Variants in PCDH7 observed in about 807,000 individuals in gnomAD.
PCDH7 encodes protocadherin-7.
In PCDH7, 17 loss-of-function variants were observed where a neutral mutation model predicts 58.9. The ratio of observed to expected loss-of-function variants is 0.29; its 90% CI spans 0.20 to 0.43. The LOEUF is 0.43. Among genes scored for constraint, PCDH7 ranks in the 20% least tolerant of loss-of-function variants. PCDH7 has a pLI of 1.00. For missense variants in PCDH7, 1,274 were observed against 1,441.0 expected, an observed-to-expected ratio of 0.88 and a Z score of 1.88; for synonymous variants, 664 against 616.4, an observed-to-expected ratio of 1.08 and a Z score of -1.14.
exon 2 of PCDH7, chr4:30,732,507 T>C (rs1044309558): frequency 6.6e-6 from 1 of 152,174 alleles, no homozygotes; most frequent in Non-Finnish European, 1.5e-5. Context: ...CTAAACAGGT[T>C]GCAACACACT....
chr4:30,977,070 C>T (rs1750137476), intron 3 of PCDH7, among the ~76,000 whole-genome samples: 1 of 152,108 alleles, frequency 6.6e-6, no homozygotes, highest in South Asian at 2.1e-4. Flanking sequence ...CTTTAATCCA[C>T]ATTAAACATA....
intron 1 of PCDH7, among the ~76,000 whole-genome samples, chr4:30,791,034 G>A (rs771162307): frequency 7.9e-5 from 12 of 152,152 alleles, no homozygotes; most frequent in East Asian, 1.9e-4. Context: ...TGGGCTTAAC[G>A]TATGTTCCTG....
intron 3 of PCDH7, among the ~76,000 whole-genome samples, chr4:31,008,207 A>T (rs1752927472): frequency 6.6e-6 from 1 of 152,036 alleles, no homozygotes; most frequent in Non-Finnish European, 1.5e-5. Flanking sequence ...AGGTGCCAAC[A>T]TTTTCTTCAT....
At chr4:30,914,960 C>G (rs1278715808) in intron 1 of PCDH7, among the ~76,000 whole-genome samples, 1 of 152,178 alleles carries the variant, frequency 6.6e-6, no homozygotes, top group South Asian at 2.1e-4. Context: ...CATACACACA[C>G]ATACCCCATT....
intron 3 of PCDH7, among the ~76,000 whole-genome samples, chr4:30,976,206 T>C (rs1323177708): frequency 6.6e-6 from 1 of 152,088 alleles, no homozygotes; most frequent in Non-Finnish European, 1.5e-5. Flanking sequence ...GGGGCTGCAG[T>C]GCAATGGCGT....
chr4:30,937,939 G>A (rs1005291036), intron 2 of PCDH7, among the ~76,000 whole-genome samples: 2 of 149,600 alleles, frequency 1.3e-5, no homozygotes, highest in East Asian at 2.0e-4. Flanking sequence ...AATTGACCTC[G>A]TCATTAAGCA....
chr4:31,078,072 G>C (rs1759156462), intron 3 of PCDH7, among the ~76,000 whole-genome samples: 1 of 152,122 alleles, frequency 6.6e-6, no homozygotes, highest in South Asian at 2.1e-4. Flanking sequence ...GGGTCAATTG[G>C]TGTGATCTAA....
chr4:31,136,038 G>A (rs1052298352), intron 3 of PCDH7, among the ~76,000 whole-genome samples: 1 of 152,164 alleles, frequency 6.6e-6, no homozygotes, highest in African/African-American at 2.4e-5. Flanking sequence ...CACAGATGAG[G>A]AAACTAAAAT....
intron 2 of PCDH7, among the ~76,000 whole-genome samples, chr4:30,945,999 C>T (rs536382759): frequency 3.2e-4 from 48 of 152,294 alleles, no homozygotes; most frequent in African/African-American, 1.1e-3. Context: ...TGAAATGTCT[C>T]TGCCTAAAGC....
chr4:30,749,683 C>T (rs1718252258), intron 1 of PCDH7, among the ~76,000 whole-genome samples: 1 of 152,102 alleles, frequency 6.6e-6, no homozygotes, highest in Non-Finnish European at 1.5e-5. Context: ...ATGTTATGCC[C>T]AGAGAACTCC....
In PCDH7 at chr4:30,794,614, G is replaced by C. The variant is rs564617483; in HGVS notation, c.70+70018G>C. Reference sequence around the variant, plus strand: ...ACCTTATAAGAAGGGAGACATTTAAGTTTAATTTTTTTTTCCTTGTCTCTT... The same window carrying C: ...ACCTTATAAGAAGGGAGACATTTAACTTTAATTTTTTTTTCCTTGTCTCTT... On this transcript the variant is annotated intron_variant, in intron 1 of 3. Coordinates refer to the PCDH7 transcript ENST00000509759. Among the ~76,000 whole-genome samples, 5 of 136,336 alleles carry C rather than the reference G, an allele frequency of 3.7e-5. No individual in the cohort carries two copies. The South Asian group carries it at 1.1e-3, about 30-fold the overall frequency. The allele number at this position is 136,336 out of a possible 152,430, so 89.4% of individuals were successfully genotyped here. A position where few individuals can be genotyped will look rare whatever the true frequency, so the allele number is the denominator to read the frequency against.
chr4:31,093,432 T>A (rs1029274034), intron 3 of PCDH7, among the ~76,000 whole-genome samples: 11 of 152,206 alleles, frequency 7.2e-5, no homozygotes, highest in African/African-American at 2.6e-4. Flanking sequence ...TCTTTCTACT[T>A]TTTTGTGTTC....
chr4:30,912,842 G>A (rs986729276), intron 1 of PCDH7, among the ~76,000 whole-genome samples: 1 of 151,986 alleles, frequency 6.6e-6, no homozygotes, highest in African/African-American at 2.4e-5. Context: ...TATATTTTCT[G>A]TTTTACTGTA....
At chr4:31,078,947 G>A (rs187496581) in intron 3 of PCDH7, among the ~76,000 whole-genome samples, 3 of 151,874 alleles carry the variant, frequency 2.0e-5, no homozygotes, top group African/African-American at 7.3e-5. Flanking sequence ...TATAGATGCT[G>A]TATCTGTGGA....
chr4:30,746,292 C>T (rs1327801236), intron 1 of PCDH7, among the ~76,000 whole-genome samples: 2 of 152,246 alleles, frequency 1.3e-5, no homozygotes, highest in African/African-American at 4.8e-5. Context: ...TAAAAAGTGT[C>T]CTGGCCCACC....
intron 3 of PCDH7, among the ~76,000 whole-genome samples, chr4:31,132,316 T>C (rs1719089102): frequency 6.6e-6 from 1 of 152,088 alleles, no homozygotes; most frequent in African/African-American, 2.4e-5. Flanking sequence ...AAAGTATATG[T>C]CATGGGGGAT....
chr4:30,867,750 T>G (rs1735054011), intron 1 of PCDH7, among the ~76,000 whole-genome samples: 1 of 152,078 alleles, frequency 6.6e-6, no homozygotes, highest in South Asian at 2.1e-4. Context: ...TCCCTGTCAC[T>G]CATATGGATC....
intron 2 of PCDH7, among the ~76,000 whole-genome samples, chr4:30,942,131 ATATAG>A (rs1207021249): frequency 6.6e-6 from 1 of 151,896 alleles, no homozygotes; most frequent in Admixed American, 6.6e-5. Context: ...AGGGTCTTGC[ATATAG>A]TAGAGTCTCA....
chr4:30,802,866 C>T (rs1725699006), intron 1 of PCDH7, among the ~76,000 whole-genome samples: 1 of 152,090 alleles, frequency 6.6e-6, no homozygotes, highest in South Asian at 2.1e-4. Context: ...CAGAGTCAAT[C>T]AGCATGGTTA....
Sources: allele counts gnomAD v4.1 joint callset (sites outside exome capture counted in the v4.1 genomes callset), GRCh38; gene constraint gnomAD v4.1.1; transcripts MANE v1.5; gene names NCBI Gene and HGNC (gene_info 2026-07-23, HGNC 2026-07-21).